The following ATP5MC1 variants were observed in gnomAD, a reference collection of about 807,000 sequenced individuals.
The protein encoded by ATP5MC1 is ATP synthase F(0) complex subunit C1, mitochondrial.
In ATP5MC1, 4 loss-of-function variants were observed where a neutral mutation model predicts 12.1. That is an observed-to-expected ratio of 0.33 (90% CI 0.16 to 0.76). The LOEUF (loss-of-function observed/expected upper bound fraction) is 0.76. ATP5MC1 is among the 30% of genes least tolerant of loss of function. The pLI is 0.61. For missense variants in ATP5MC1, 117 were observed against 172.1 expected (o/e 0.68, Z 1.79); for synonymous variants, 52 against 66.0 (o/e 0.79, Z 1.03).
In ATP5MC1 at chr17:48,895,226, T is replaced by C. The variant is rs760013174; in HGVS notation, c.188T>C (p.Ile63Thr). Residue 63 changes from isoleucine to threonine, a missense_variant, in exon 4 of 5, where the codon ATT becomes ACT. Transcript: ENST00000393366. ...EFQTSVVSRD[I>T]DTAAKFIGAG... ...CAGACCAGTGTTGTCTCCCGGGACA[T>C]TGACACAGCAGCCAAGTTTATTGGT... The C allele has an allele frequency of 2.5e-6, 4 of 1,612,604 alleles. No individual in the cohort carries two copies. Among genetic ancestry groups the C allele is most frequent in the Admixed American group, 3.3e-5 (2 of 59,992 alleles).
chr17:48,894,771 A>G, intron 3 of ATP5MC1: 4 of 525,058 alleles, frequency 7.6e-6, no homozygotes, highest in Non-Finnish European at 1.1e-5. Context: ...ATAAAAACCC[A>G]TTAATTAATT....
chr17:48,894,537 G>A, intron 3 of ATP5MC1, 88 bp downstream of exon 3: 3 of 1,349,056 alleles, frequency 2.2e-6, no homozygotes, highest in South Asian at 1.2e-5. Context: ...AGAGGCTGAG[G>A]CGAGAGGATC....
At chr17:48,895,062 C>A in intron 3 of ATP5MC1, 94 bp from the exon 4 acceptor site, 2 of 1,444,910 alleles carry the variant, frequency 1.4e-6, no homozygotes, top group South Asian at 1.3e-5. Flanking sequence ...AGTTTCAGAG[C>A]TCAGGTGGGT....
At chr17:48,893,382 T>G in intron 1 of ATP5MC1, 27 bp from the exon 2 acceptor site, 2 of 1,612,526 alleles carry the variant, frequency 1.2e-6, no homozygotes, top group Non-Finnish European at 1.7e-6. Context: ...AGTGGGATTA[T>G]TATTACTATT....
intron 2 of ATP5MC1, chr17:48,894,002 G>A (rs2040551330): frequency 4.1e-6 from 1 of 243,750 alleles, no homozygotes; most frequent in East Asian, 1.2e-4. Context: ...GTGTGTAGCT[G>A]TGAGTGTATT....
chr17:48,894,988 TA>T, intron 3 of ATP5MC1, 167 bp from the exon 4 acceptor site: 1 of 814,088 alleles, frequency 1.2e-6, no homozygotes, highest in Non-Finnish European at 2.0e-6. Context: ...CAACAGACTC[TA>T]AGACTAATTC....
chr17:48,894,273 T>TA (rs1232738793), intron 2 of ATP5MC1, 99 bp from the exon 3 acceptor site: 2 of 1,157,260 alleles, frequency 1.7e-6, no homozygotes, highest in African/African-American at 3.1e-5. Context: ...ACATTGAACT[T>TA]ATTCTGTTTA....
chr17:48,893,764 A>C, intron 2 of ATP5MC1: 1 of 467,924 alleles, frequency 2.1e-6, no homozygotes, highest in South Asian at 3.0e-5. Context: ...AACTTTTTAA[A>C]ATCCTGATGC....
chr17:48,893,223 T>C, intron 1 of ATP5MC1, 186 bp from the exon 2 acceptor site: 1 of 563,938 alleles, frequency 1.8e-6, no homozygotes, highest in Non-Finnish European at 3.1e-6. Context: ...TCCATGACTT[T>C]GCTTTGAAGA....
At position 48,895,855 on chromosome 17, in the gene ATP5MC1, CACA is replaced by C. The variant is rs2143735474; in HGVS notation, c.*89_*91del. 4 of 1,298,348 alleles carry C rather than the reference CACA, an allele frequency of 3.1e-6. No individual in the cohort carries two copies. The highest frequency in any genetic ancestry group is 2.4e-5 in the South Asian group (2 of 84,540). The allele number at this position is 1,298,348 out of a possible 1,614,324, so 80.4% of individuals were successfully genotyped here. Reference sequence around the variant, plus strand: ...GGGTGTGTTAAGCTTTACCATTAAACACAACGTTTCTCTAAACCCCTGTCTGTG... The same window carrying C: ...GGGTGTGTTAAGCTTTACCATTAAACACGTTTCTCTAAACCCCTGTCTGTG... On this transcript the variant is annotated 3_prime_UTR_variant, in exon 5 of 5. Coordinates refer to ENST00000393366, the MANE Select transcript of ATP5MC1 (RefSeq NM_005175.3).
intron 4 of ATP5MC1, 47 bp downstream of exon 4, chr17:48,895,381 G>A (rs751893219): frequency 2.1e-5 from 32 of 1,540,328 alleles, no homozygotes; most frequent in Middle Eastern, 3.5e-4. Context: ...ATTCCACCCC[G>A]TTTGGGGAAG....
intron 2 of ATP5MC1, 21 bp downstream of exon 2, chr17:48,893,477 G>A (rs1329803471): frequency 6.2e-7 from 1 of 1,613,212 alleles, no homozygotes; most frequent in South Asian, 1.1e-5. Flanking sequence ...GCGCCGCAGT[G>A]CTCTGTAGTA....
At position 48,893,537 on chromosome 17, in the gene ATP5MC1, G is replaced by C. The variant is rs2040548189; in HGVS notation, c.39+81G>C. 3 of 1,524,390 alleles carry C rather than the reference G, an allele frequency of 2.0e-6. No homozygotes were observed. The African/African-American group carries it at 4.1e-5, about 21-fold the overall frequency. 94.4% of individuals were successfully genotyped at this position (1,524,390 alleles called of 1,614,324 possible). A position where few individuals can be genotyped will look rare whatever the true frequency, so the allele number is the denominator to read the frequency against. On this transcript the variant is annotated intron_variant, in intron 2 of 4. Coordinates refer to ENST00000393366, the MANE Select transcript of ATP5MC1 (RefSeq NM_005175.3). The stretch of plus-strand genomic sequence containing the variant: ...CAGTGTTTAATGAATGAACCCAGGG[G>C]AGCTTGGCGTCCTGATGATGTAGGC...
chr17:48,893,416 A>G lies in ATP5MC1; in HGVS notation c.-2A>G. On this transcript the variant is annotated 5_prime_UTR_variant, in exon 2 of 5. Transcript: ENST00000393366. ...TTTTTTCCCCCTCTGCAGACTGAAA[A>G]AATGCAGACCGCCGGGGCATTATTC... The G allele has an allele frequency of 6.2e-7, 1 of 1,614,020 alleles. No individual in the cohort carries two copies. The highest frequency in any genetic ancestry group is 8.5e-7 in the Non-Finnish European group (1 of 1,180,022).
At chr17:48,894,647 G>A (rs2040556182) in intron 3 of ATP5MC1, 198 bp downstream of exon 3, 3 of 546,046 alleles carry the variant, frequency 5.5e-6, no homozygotes, top group South Asian at 4.0e-5. Context: ...GCATGTGGCT[G>A]TAGTCCCAGT....
At chr17:48,895,556 C>A in intron 4 of ATP5MC1, 99 bp from the exon 5 acceptor site, 2 of 1,335,688 alleles carry the variant, frequency 1.5e-6, no homozygotes, top group Non-Finnish European at 2.1e-6. Flanking sequence ...TAGGCCCTCT[C>A]CCAGGAGTAA....
At chr17:48,895,060 A>G in intron 3 of ATP5MC1, 96 bp from the exon 4 acceptor site, 1 of 1,429,612 alleles carries the variant, frequency 7.0e-7, no homozygotes, top group Non-Finnish European at 9.6e-7. Flanking sequence ...ACAGTTTCAG[A>G]GCTCAGGTGG....
intron 3 of ATP5MC1, 64 bp from the exon 4 acceptor site, chr17:48,895,092 C>T: frequency 1.3e-6 from 2 of 1,562,330 alleles, no homozygotes; most frequent in Non-Finnish European, 1.7e-6. Context: ...GAGGTAGAGT[C>T]AGCCACCTGT....
chr17:48,893,859 A>C lies in ATP5MC1; in HGVS notation c.39+403A>C, dbSNP rs544839657. 121 of 247,048 alleles carry C rather than the reference A, an allele frequency of 4.9e-4. 1 individual carries two copies. Among genetic ancestry groups the C allele is most frequent in the South Asian group, 3.3e-3 (45 of 13,710 alleles). The allele number at this position is 247,048 out of a possible 1,614,324, so 15.3% of individuals were successfully genotyped here. A position where few individuals can be genotyped will look rare whatever the true frequency, so the allele number is the denominator to read the frequency against. ...TCTGTATCTTTTAAGACTTCTCCAG[A>C]TGATTCCACCGTGCAGCCAAGTTTG... On this transcript the variant is annotated intron_variant, in intron 2 of 4. Transcript: ENST00000393366.
Sources: allele counts gnomAD v4.1 joint callset, GRCh38; gene constraint gnomAD v4.1.1; transcripts MANE v1.5; gene names NCBI Gene and HGNC (gene_info 2026-07-23, HGNC 2026-07-21).